Variants in CACNA1E observed in about 807,000 individuals in gnomAD.
The protein encoded by CACNA1E is voltage-dependent R-type calcium channel subunit alpha-1E.
CACNA1E carries 40 observed loss-of-function variants against 259.2 expected under a neutral mutation model. The ratio of observed to expected loss-of-function variants is 0.15; its 90% CI spans 0.12 to 0.20. The LOEUF (loss-of-function observed/expected upper bound fraction) is 0.20, where lower values mean the gene tolerates loss of function less well. Among genes scored for constraint, CACNA1E ranks in the 10% least tolerant of loss-of-function variants. The pLI, the probability that CACNA1E is intolerant of heterozygous loss-of-function variation, is 1.00. For synonymous variants in CACNA1E, 1,104 were observed against 1,138.5 expected, an observed-to-expected ratio of 0.97 and a Z score of 0.61; for missense variants, 1,874 against 3,040.1, an observed-to-expected ratio of 0.62 and a Z score of 9.02.
intron 6 of CACNA1E, among the ~76,000 whole-genome samples, chr1:181,619,289 T>C (rs2103154960): frequency 6.6e-6 from 1 of 151,738 alleles, no homozygotes; most frequent in South Asian, 2.1e-4. Flanking sequence ...TGAAGAAAGC[T>C]AGGGATTAAG....
chr1:181,334,810 G>A (rs78182727), intron 1 of CACNA1E, among the ~76,000 whole-genome samples: 11,806 of 152,186 alleles, frequency 0.078, 568 homozygotes, highest in East Asian at 0.15. Context: ...GCTGAGTCAG[G>A]GGGTCTCACT....
chr1:181,510,525 C>A lies in CACNA1E; in HGVS notation c.315C>A (p.Val105=). The part of the protein sequence containing the change: ...ILATIIANCI[V]LALEQHLPED... Reference sequence around the variant, plus strand: ...CCACCATCATTGCCAACTGCATCGTCCTGGCCCTGGAGCAGCATCTTCCTG... The same window carrying A: ...CCACCATCATTGCCAACTGCATCGTACTGGCCCTGGAGCAGCATCTTCCTG... Residue 105 remains valine, a synonymous_variant, in exon 2 of 48, where the codon GTC becomes GTA. Coordinates refer to ENST00000367573, the MANE Select transcript of CACNA1E (RefSeq NM_001205293.3). The A allele has an allele frequency of 6.2e-7, 1 of 1,614,010 alleles. No individual in the cohort carries two copies. The highest frequency in any genetic ancestry group is 2.2e-5 in the East Asian group (1 of 44,882).
rs115765410 is a variant in CACNA1E, at chr1:181,329,892, G to C, written c.-15+11769G>C. On this transcript the variant is annotated intron_variant, in intron 1 of 11. Coordinates refer to the CACNA1E transcript ENST00000524607. ...TGGCTGTGTCTCAGAGCCCAGCACA[G>C]TGCTTGGTATATAGCAGCATATCAA... Among the ~76,000 whole-genome samples, 664 of 152,294 alleles carry C rather than the reference G, an allele frequency of 4.4e-3. 3 individuals carry two copies. Among genetic ancestry groups the C allele is most frequent in the Middle Eastern group, 0.017 (5 of 294 alleles).
intron 6 of CACNA1E, among the ~76,000 whole-genome samples, chr1:181,646,341 C>T (rs1318252482): frequency 1.3e-5 from 2 of 152,196 alleles, no homozygotes; most frequent in African/African-American, 4.8e-5. Flanking sequence ...AGGAGAGCCC[C>T]CACCAAACAG....
At chr1:181,641,724 TTTTTTTTG>T (rs1657792921) in intron 6 of CACNA1E, among the ~76,000 whole-genome samples, 1 of 143,222 alleles carries the variant, frequency 7.0e-6, no homozygotes, top group African/African-American at 2.7e-5. Context: ...TTTTTTTTTT[TTTTTTTTG>T]AGACAGAGTC....
intron 3 of CACNA1E, among the ~76,000 whole-genome samples, chr1:181,554,452 G>T (rs763819095): frequency 6.6e-6 from 1 of 152,078 alleles, no homozygotes; most frequent in Non-Finnish European, 1.5e-5. Flanking sequence ...GAAATCCAGG[G>T]TACCATATCT....
intron 7 of CACNA1E, among the ~76,000 whole-genome samples, chr1:181,657,171 A>G (rs1486072461): frequency 6.6e-6 from 1 of 152,188 alleles, no homozygotes; most frequent in African/African-American, 2.4e-5. Context: ...TAGGTCCTCT[A>G]TTCAGCTCAG....
chr1:181,644,046 A>T (rs1658042020), intron 6 of CACNA1E, among the ~76,000 whole-genome samples: 1 of 152,096 alleles, frequency 6.6e-6, no homozygotes, highest in East Asian at 1.9e-4. Context: ...TTTCACTTGG[A>T]GCTCTAGGTC....
chr1:181,632,389 C>A (rs1181636700), intron 6 of CACNA1E, among the ~76,000 whole-genome samples: 1 of 152,108 alleles, frequency 6.6e-6, no homozygotes, highest in East Asian at 1.9e-4. Flanking sequence ...TCTGTGTCAT[C>A]CTGGTCAAGG....
chr1:181,746,723 G>A (rs1199551318), intron 25 of CACNA1E, among the ~76,000 whole-genome samples: 1 of 151,464 alleles, frequency 6.6e-6, no homozygotes, highest in Non-Finnish European at 1.5e-5. Flanking sequence ...GGAGGGGAGT[G>A]TGATAGCTTA....
intron 1 of CACNA1E, among the ~76,000 whole-genome samples, chr1:181,332,848 G>C (rs1358300516): frequency 6.6e-6 from 1 of 152,104 alleles, no homozygotes; most frequent in Non-Finnish European, 1.5e-5. Flanking sequence ...TTACATCTGG[G>C]ACCCCACAGT....
At chr1:181,736,770 C>T (rs975477035) in intron 22 of CACNA1E, among the ~76,000 whole-genome samples, 1 of 152,170 alleles carries the variant, frequency 6.6e-6, no homozygotes, top group African/African-American at 2.4e-5. Flanking sequence ...ACCAAATATT[C>T]CAGAAGTGGA....
At chr1:181,740,959 G>A (rs781531857) in intron 25 of CACNA1E, among the ~76,000 whole-genome samples, 16 of 152,142 alleles carry the variant, frequency 1.1e-4, no homozygotes, top group Admixed American at 5.9e-4. Context: ...TTGGAAAGAA[G>A]GATTAAAGTC....
chr1:181,739,391 G>GC, intron 25 of CACNA1E, 138 bp downstream of exon 25: 1 of 671,836 alleles, frequency 1.5e-6, no homozygotes, highest in Non-Finnish European at 2.7e-6. Flanking sequence ...CTCCCCAGTC[G>GC]CCCCCAGCAG....
At chr1:181,774,439 A>C (rs1053358359) in intron 37 of CACNA1E, among the ~76,000 whole-genome samples, 4 of 152,202 alleles carry the variant, frequency 2.6e-5, no homozygotes, top group Admixed American at 2.0e-4. Context: ...TCCAGATAAC[A>C]GTGGCTTAAC....
rs1264774863 is a variant in CACNA1E, at chr1:181,332,460, A to G, written c.-15+14337A>G. On this transcript the variant is annotated intron_variant, in intron 1 of 11. Transcript: ENST00000524607. Reference sequence around the variant, plus strand: ...CCCCATTTTTATTTTCTAAGTATTCATGGCTTGTTAAGTGTGTATAATATC... The same window carrying G: ...CCCCATTTTTATTTTCTAAGTATTCGTGGCTTGTTAAGTGTGTATAATATC... Among the ~76,000 whole-genome samples, 5 of 152,206 alleles carry G rather than the reference A, an allele frequency of 3.3e-5. No homozygotes were observed. In the South Asian group the frequency reaches 6.2e-4, roughly 19 times the overall value.
chr1:181,526,408 C>T (rs1667361264), intron 3 of CACNA1E, among the ~76,000 whole-genome samples: 1 of 123,996 alleles, frequency 8.1e-6, no homozygotes, highest in Non-Finnish European at 1.7e-5. Context: ...GCTGCATGGT[C>T]TGAATTTTTT....
intron 6 of CACNA1E, among the ~76,000 whole-genome samples, chr1:181,615,514 G>T (rs889606526): frequency 2.2e-4 from 33 of 152,058 alleles, no homozygotes; most frequent in African/African-American, 7.2e-4. Flanking sequence ...AACTCATTTT[G>T]ATGCTATCAT....
At chr1:181,552,851 G>A (rs1648319145) in intron 3 of CACNA1E, among the ~76,000 whole-genome samples, 1 of 151,968 alleles carries the variant, frequency 6.6e-6, no homozygotes, top group African/African-American at 2.4e-5. Context: ...TGTTCCATTG[G>A]TCTGTATATC....
Sources: gnomAD v4.1 joint callset for allele counts (sites outside exome capture counted in the v4.1 genomes callset) on GRCh38, gnomAD v4.1.1 for gene constraint, MANE v1.5 for transcripts, NCBI Gene and HGNC (gene_info 2026-07-23, HGNC 2026-07-21) for gene names.